CDH23: variants seen among roughly 807,000 people sequenced by gnomAD.
The protein encoded by CDH23 is cadherin related 23, also known as cadherin-23.
Under a neutral mutation model 317.1 loss-of-function variants are expected in CDH23, and 189 were observed. That is an observed-to-expected ratio of 0.60 (90% CI 0.53 to 0.67). The LOEUF is 0.67. Ranked by LOEUF, CDH23 falls within the 30% of genes least tolerant of loss-of-function variation. CDH23 has a pLI of 0.00. For synonymous variants in CDH23, 1,839 were observed against 1,876.8 expected (o/e 0.98, Z 0.52); for missense variants, 4,401 against 4,592.4 (o/e 0.96, Z 1.20).
chr10:71,566,191 G>A (rs543752154), intron 6 of CDH23, among the ~76,000 whole-genome samples: 2 of 152,286 alleles, frequency 1.3e-5, no homozygotes, highest in South Asian at 4.1e-4. Context: ...CAGGCAGGAC[G>A]TGAGCCTGCC....
chr10:71,613,559 C>T (rs1039802573), intron 9 of CDH23, among the ~76,000 whole-genome samples: 1 of 152,224 alleles, frequency 6.6e-6, no homozygotes, highest in African/African-American at 2.4e-5. Flanking sequence ...TAGCCACTAA[C>T]TTGGGTAGAA....
At chr10:71,632,711 T>C (rs1462335579) in intron 11 of CDH23, among the ~76,000 whole-genome samples, 1 of 152,142 alleles carries the variant, frequency 6.6e-6, no homozygotes, top group Non-Finnish European at 1.5e-5. Flanking sequence ...TTTACCTCAG[T>C]ATAGCTCCTC....
At chr10:71,476,176 C>A (rs1363740946) in intron 3 of CDH23, among the ~76,000 whole-genome samples, 2 of 152,158 alleles carry the variant, frequency 1.3e-5, no homozygotes, top group Non-Finnish European at 2.9e-5. Context: ...CCTTCCCCCT[C>A]CCAGGAAAAG....
intron 14 of CDH23, among the ~76,000 whole-genome samples, chr10:71,667,387 T>TGTGTGC (rs1349687515): frequency 1.3e-5 from 2 of 149,870 alleles, no homozygotes; most frequent in South Asian, 2.1e-4. Flanking sequence ...TGTGTGTGTG[T>TGTGTGC]GTGTGTGTGC....
At chr10:71,673,028 C>T (rs540520218) in intron 14 of CDH23, among the ~76,000 whole-genome samples, 1 of 152,234 alleles carries the variant, frequency 6.6e-6, no homozygotes, top group Admixed American at 6.5e-5. Flanking sequence ...CCTTTTCTTT[C>T]TGTCATTTGC....
chr10:71,460,547 G>A (rs761279589), intron 3 of CDH23, among the ~76,000 whole-genome samples: 5 of 152,378 alleles, frequency 3.3e-5, no homozygotes, highest in African/African-American at 4.8e-5. Context: ...TTGCCGCATC[G>A]GCTGCTTTAT....
chr10:71,626,210 AG>A (rs1861726799), intron 11 of CDH23, among the ~76,000 whole-genome samples: 1 of 152,176 alleles, frequency 6.6e-6, no homozygotes, highest in African/African-American at 2.4e-5. Flanking sequence ...TCTTCTGAGA[AG>A]GGGGTGCCTG....
chr10:71,492,844 G>A lies in CDH23; in HGVS notation c.146-17238G>A, dbSNP rs568776025. Among the ~76,000 whole-genome samples, 6 of 152,322 alleles carry A rather than the reference G, an allele frequency of 3.9e-5. No homozygotes were observed. In the East Asian group the frequency reaches 5.8e-4, roughly 15 times the overall value. ...GCTTGGAGTCTGCCGTGGGGGGCTC[G>A]TGGCCTCTTCCAGATTGTGGGATTG... On this transcript the variant is annotated intron_variant, in intron 3 of 69. Coordinates refer to ENST00000224721, the MANE Select transcript of CDH23 (RefSeq NM_022124.6).
intron 1 of CDH23, among the ~76,000 whole-genome samples, chr10:71,427,321 AC>A: frequency 6.6e-6 from 1 of 152,072 alleles, no homozygotes; most frequent in East Asian, 1.9e-4. Flanking sequence ...CCTCCCCGTT[AC>A]CCCCAGCCCC....
chr10:71,404,967 G>A (rs1848028786), intron 1 of CDH23, among the ~76,000 whole-genome samples: 1 of 152,216 alleles, frequency 6.6e-6, no homozygotes, highest in Non-Finnish European at 1.5e-5. Context: ...GAAAGCAAGG[G>A]AGGGAGGGAA....
rs374555937 is a variant in CDH23 at position 71,451,260 on chromosome 10, G to A, written c.145+4865G>A. 1.6e-3 allele frequency among the ~76,000 whole-genome samples: 241 copies of A among 152,174 alleles called. 1 individual carries two copies. The highest frequency in any genetic ancestry group is 0.012 in the South Asian group (58 of 4,814). ...CAGGTCTCAGTGTTCTCCCTGACTCGGCCCTCACCCACGCTGCGGCCTTTT... is the reference window on the plus strand; with the variant it reads ...CAGGTCTCAGTGTTCTCCCTGACTCAGCCCTCACCCACGCTGCGGCCTTTT... On this transcript the variant is annotated intron_variant, in intron 3 of 69. Transcript: ENST00000224721.
intron 28 of CDH23, chr10:71,719,698 A>G (rs1311721953): frequency 6.6e-6 from 1 of 152,350 alleles, no homozygotes; most frequent in Admixed American, 6.5e-5. Context: ...AGGCCCAAGG[A>G]GCCCTGGGCA....
At chr10:71,514,165 C>T (rs1217979139) in intron 6 of CDH23, among the ~76,000 whole-genome samples, 1 of 152,092 alleles carries the variant, frequency 6.6e-6, no homozygotes, top group Non-Finnish European at 1.5e-5. Context: ...TCTAGCACTG[C>T]GTGTTGGGGA....
chr10:71,654,721 A>G (rs7087391), intron 14 of CDH23, among the ~76,000 whole-genome samples: 8,742 of 152,152 alleles, frequency 0.057, 823 homozygotes, highest in African/African-American at 0.2. Flanking sequence ...CTGTGGCCCA[A>G]GCACCCACAT....
chr10:71,701,416 C>G (rs771645920), intron 22 of CDH23, among the ~76,000 whole-genome samples: 2 of 152,124 alleles, frequency 1.3e-5, no homozygotes. Context: ...GTTCACCGCC[C>G]CTGGGTTAGG....
At chr10:71,784,569 C>A (rs1841047019) in intron 42 of CDH23, 149 bp downstream of exon 42, 1 of 1,058,382 alleles carries the variant, frequency 9.4e-7, no homozygotes, top group Admixed American at 2.7e-5. Flanking sequence ...CCTTAATAGA[C>A]CTCTCGCCAC....
At chr10:71,755,271 G>A (rs1435257128) in intron 38 of CDH23, 18 of 1,157,840 alleles carry the variant, frequency 1.6e-5, no homozygotes, top group Middle Eastern at 4.1e-4. Flanking sequence ...TGCCTGCATC[G>A]TGCCTTTGCG....
chr10:71,718,953 C>T lies in CDH23; in HGVS notation c.3370-5092C>T, dbSNP rs374049787. ...ATTAGCCAGGTGTGGTAGTATGTGCCTGTGGCCCCAGCTACTCAGGAGGCT... is the reference window on the plus strand; with the variant it reads ...ATTAGCCAGGTGTGGTAGTATGTGCTTGTGGCCCCAGCTACTCAGGAGGCT... On this transcript the variant is annotated intron_variant, in intron 28 of 69. Transcript: ENST00000224721. Among the ~76,000 whole-genome samples the T allele has an allele frequency of 2.0e-5, 3 of 152,080 alleles. No homozygotes were observed. The East Asian group carries it at 5.8e-4, about 29-fold the overall frequency.
At chr10:71,814,623 C>T (rs1010177767) in intron 69 of CDH23, among the ~76,000 whole-genome samples, 4 of 145,034 alleles carry the variant, frequency 2.8e-5, no homozygotes, top group African/African-American at 7.7e-5. Flanking sequence ...CGCGCCACTG[C>T]GAGACTCTGT....
Sources: allele counts gnomAD v4.1 joint callset (sites outside exome capture counted in the v4.1 genomes callset), GRCh38; gene constraint gnomAD v4.1.1; transcripts MANE v1.5; gene names NCBI Gene and HGNC (gene_info 2026-07-23, HGNC 2026-07-21).